The following PAX3 variants were observed in gnomAD, a reference collection of about 807,000 sequenced individuals.
PAX3 encodes the protein paired box 3.
A neutral mutation model predicts 51.6 loss-of-function variants in PAX3; 14 were observed. The observed-to-expected ratio is 0.27, with a 90% CI of 0.18 to 0.42. PAX3 has a LOEUF of 0.42. PAX3 is among the 10% of genes least tolerant of loss of function. The pLI is 1.00. For synonymous variants in PAX3, 280 were observed against 253.4 expected (o/e 1.11, Z -1.00); for missense variants, 540 against 642.8 (o/e 0.84, Z 1.73).
intron 4 of PAX3, among the ~76,000 whole-genome samples, chr2:222,273,759 T>C (rs1694329080): frequency 6.6e-6 from 1 of 152,200 alleles, no homozygotes; most frequent in Admixed American, 6.5e-5. Flanking sequence ...TTTCCCTTTC[T>C]TTTTCCTTTT....
intron 4 of PAX3, among the ~76,000 whole-genome samples, chr2:222,249,425 A>G (rs1693342491): frequency 6.6e-6 from 1 of 152,158 alleles, no homozygotes; most frequent in Non-Finnish European, 1.5e-5. Context: ...CTTAGGCCTT[A>G]GGAAAGGTTT....
intron 4 of PAX3, among the ~76,000 whole-genome samples, chr2:222,277,524 A>C (rs1481127501): frequency 6.6e-6 from 1 of 152,190 alleles, no homozygotes; most frequent in African/African-American, 2.4e-5. Flanking sequence ...CCACTTTGAC[A>C]GTCCAATAGG....
chr2:222,236,593 A>G (rs918137275), intron 4 of PAX3, among the ~76,000 whole-genome samples: 11 of 152,236 alleles, frequency 7.2e-5, no homozygotes, highest in African/African-American at 2.2e-4. Context: ...AGGAAGCTTA[A>G]TAGAAAGAAA....
chr2:222,295,946 G>C (rs561694704), intron 2 of PAX3, among the ~76,000 whole-genome samples: 5 of 152,102 alleles, frequency 3.3e-5, no homozygotes, highest in African/African-American at 1.2e-4. Flanking sequence ...GGTAGGGTGG[G>C]GTTATACTTT....
chr2:222,267,856 T>A (rs1372881589), intron 4 of PAX3, among the ~76,000 whole-genome samples: 1 of 152,230 alleles, frequency 6.6e-6, no homozygotes, highest in Non-Finnish European at 1.5e-5. Flanking sequence ...AATTTGTGAT[T>A]CGTCGTATTA....
chr2:222,284,591 T>G (rs2106180586), intron 4 of PAX3, among the ~76,000 whole-genome samples: 1 of 139,774 alleles, frequency 7.2e-6, no homozygotes, highest in East Asian at 2.1e-4. Context: ...GACTTAGTGG[T>G]GTGGGGTGTG....
At chr2:222,221,776 A>G in intron 5 of PAX3, 1 of 230,338 alleles carries the variant, frequency 4.3e-6, no homozygotes, top group Non-Finnish European at 8.7e-6. Context: ...CGCATGTCCT[A>G]AATGTGGCCT....
At chr2:222,264,372 T>A (rs1460728577) in intron 4 of PAX3, 1 of 152,196 alleles carries the variant, frequency 6.6e-6, no homozygotes, top group African/African-American at 2.4e-5. Flanking sequence ...TGCAGATTGA[T>A]GATTGCCAGG....
At chr2:222,278,073 AG>A (rs1331494122) in intron 4 of PAX3, among the ~76,000 whole-genome samples, 2 of 151,992 alleles carry the variant, frequency 1.3e-5, no homozygotes, top group African/African-American at 2.4e-5. Flanking sequence ...GGAGCCCAAA[AG>A]ATTAGACACC....
chr2:222,247,159 C>T (rs1442559986), intron 4 of PAX3, among the ~76,000 whole-genome samples: 2 of 152,170 alleles, frequency 1.3e-5, no homozygotes, highest in African/African-American at 4.8e-5. Context: ...AAGTCCATGT[C>T]TTTATTCCTA....
chr2:222,201,534 A>G, intron 8 of PAX3, 92 bp from the exon 9 acceptor site: 1 of 1,509,318 alleles, frequency 6.6e-7, no homozygotes, highest in Non-Finnish European at 9.2e-7. Context: ...GTCATATTTA[A>G]TACCGTGCTA....
At chr2:222,265,013 C>A (rs765739190) in intron 4 of PAX3, 6 of 152,186 alleles carry the variant, frequency 3.9e-5, no homozygotes, top group Non-Finnish European at 8.8e-5. Flanking sequence ...TTGGGGATGG[C>A]CAGACGACCA....
intron 4 of PAX3, among the ~76,000 whole-genome samples, chr2:222,259,580 C>T (rs1693768540): frequency 6.6e-6 from 1 of 152,078 alleles, no homozygotes; most frequent in Non-Finnish European, 1.5e-5. Flanking sequence ...AAGAAAAATT[C>T]AAGTGTCCAT....
intron 5 of PAX3, among the ~76,000 whole-genome samples, chr2:222,227,996 G>C (rs1340785275): frequency 6.6e-6 from 1 of 152,134 alleles, no homozygotes; most frequent in Non-Finnish European, 1.5e-5. Context: ...TTCGTGTTTG[G>C]TTTTCCCAGG....
In PAX3 at chr2:222,200,735, G is replaced by A. The variant is rs1691256485; in HGVS notation, c.*673C>T. 3.8e-6 allele frequency: 1 copy of A among 262,742 alleles called. No individual in the cohort carries two copies. The highest frequency in any genetic ancestry group is 2.2e-5 in the African/African-American group (1 of 45,774). 16.3% of individuals were successfully genotyped at this position (262,742 alleles called of 1,614,324 possible). On this transcript the variant is annotated 3_prime_UTR_variant, in exon 9 of 9. Coordinates refer to ENST00000392070, the MANE Select transcript of PAX3 (RefSeq NM_181458.4). ...CCTTCTTCCTGGTAGCCCATATCCT[G>A]TTAGCAAGACATGTCCGGGCCATTT...
intron 4 of PAX3, among the ~76,000 whole-genome samples, chr2:222,266,812 A>G (rs1472128615): frequency 3.3e-5 from 5 of 152,204 alleles, no homozygotes; most frequent in South Asian, 2.1e-4. Context: ...GATCCCAAAT[A>G]TCATACAGAT....
chr2:222,252,481 A>G (rs1300643370), intron 4 of PAX3, among the ~76,000 whole-genome samples: 1 of 152,190 alleles, frequency 6.6e-6, no homozygotes, highest in East Asian at 1.9e-4. Context: ...TTAACATTCA[A>G]TCTCTCTCAT....
intron 4 of PAX3, among the ~76,000 whole-genome samples, chr2:222,240,069 G>T (rs1189624928): frequency 6.6e-6 from 1 of 152,050 alleles, no homozygotes; most frequent in Non-Finnish European, 1.5e-5. Context: ...GCTCCTGCCA[G>T]GTTGGGGCTA....
intron 4 of PAX3, among the ~76,000 whole-genome samples, chr2:222,249,950 C>T (rs1693364801): frequency 6.6e-6 from 1 of 152,130 alleles, no homozygotes. Flanking sequence ...GGGTTTCTTT[C>T]CCAATTCCAC....
Sources: gnomAD v4.1 joint callset for allele counts (sites outside exome capture counted in the v4.1 genomes callset) on GRCh38, gnomAD v4.1.1 for gene constraint, MANE v1.5 for transcripts, NCBI Gene and HGNC (gene_info 2026-07-23, HGNC 2026-07-21) for gene names.